MCTP2: variants seen among roughly 807,000 people sequenced by gnomAD.
The protein encoded by MCTP2 is multiple C2 and transmembrane domain containing 2.
In MCTP2, 132 loss-of-function variants were observed where a neutral mutation model predicts 111.6. The ratio of observed to expected loss-of-function variants is 1.18; its 90% CI spans 1.03 to 1.37. The LOEUF (loss-of-function observed/expected upper bound fraction) is 1.37. Among genes scored for constraint, MCTP2 ranks in the 40% most tolerant of loss-of-function variants. The pLI, the probability that MCTP2 is intolerant of heterozygous loss-of-function variation, is 0.00. For missense variants in MCTP2, 1,183 were observed against 1,067.9 expected (o/e 1.11, Z -1.50); for synonymous variants, 395 against 387.7 (o/e 1.02, Z -0.22).
intron 1 of MCTP2, among the ~76,000 whole-genome samples, chr15:94,255,971 A>G (rs1272843388): frequency 6.6e-6 from 1 of 152,192 alleles, no homozygotes; most frequent in Admixed American, 6.5e-5. Context: ...ATTTACTCAG[A>G]TGTCGCATAA....
chr15:94,457,174 T>C (rs1312188891), intron 19 of MCTP2, among the ~76,000 whole-genome samples: 1 of 152,176 alleles, frequency 6.6e-6, no homozygotes, highest in African/African-American at 2.4e-5. Flanking sequence ...ATAGGTGTAA[T>C]GACCCAGAGA....
intron 10 of MCTP2, among the ~76,000 whole-genome samples, chr15:94,363,208 AT>A (rs2079028462): frequency 6.6e-6 from 1 of 151,984 alleles, no homozygotes; most frequent in Non-Finnish European, 1.5e-5. Flanking sequence ...TCTAGAGCAC[AT>A]TGTATGCTGG....
chr15:94,343,663 C>G (rs773241128), intron 7 of MCTP2: 2 of 152,156 alleles, frequency 1.3e-5, no homozygotes, highest in Non-Finnish European at 2.9e-5. Context: ...AAATTAGGAG[C>G]TCTGTTCTCA....
chr15:94,461,536 C>T (rs2085207843), intron 20 of MCTP2, among the ~76,000 whole-genome samples: 1 of 152,116 alleles, frequency 6.6e-6, no homozygotes, highest in Non-Finnish European at 1.5e-5. Context: ...GAGAGTGAAG[C>T]ATATCATGTG....
At chr15:94,319,900 A>G (rs939892401) in intron 4 of MCTP2, among the ~76,000 whole-genome samples, 3 of 152,200 alleles carry the variant, frequency 2.0e-5, no homozygotes, top group African/African-American at 7.2e-5. Flanking sequence ...GTGTTCTCCA[A>G]TTCTGTAGAT....
intron 19 of MCTP2, among the ~76,000 whole-genome samples, chr15:94,444,000 A>AAAAAAAC (rs2083964627): frequency 6.7e-6 from 1 of 149,844 alleles, no homozygotes; most frequent in South Asian, 2.1e-4. Flanking sequence ...AAAAAAAAAA[A>AAAAAAAC]AAAAAACAGA....
intron 21 of MCTP2, 180 bp from the exon 22 acceptor site, chr15:94,476,516 C>T (rs2074363263): frequency 4.2e-6 from 2 of 471,690 alleles, no homozygotes; most frequent in South Asian, 2.6e-5. Context: ...TAATTGTTTT[C>T]ACACTAATTT....
At chr15:94,391,736 A>G (rs1027711676) in intron 14 of MCTP2, among the ~76,000 whole-genome samples, 3 of 152,214 alleles carry the variant, frequency 2.0e-5, no homozygotes, top group South Asian at 2.1e-4. Flanking sequence ...TACCTTTAAC[A>G]TGCTGGAGAG....
intron 14 of MCTP2, among the ~76,000 whole-genome samples, chr15:94,394,791 A>G (rs548296740): frequency 6.6e-6 from 1 of 152,262 alleles, no homozygotes; most frequent in African/African-American, 2.4e-5. Flanking sequence ...AAGTTATATT[A>G]ACATTGTGTT....
intron 4 of MCTP2, among the ~76,000 whole-genome samples, chr15:94,336,695 G>A (rs201526492): frequency 1.5e-4 from 19 of 125,336 alleles, no homozygotes; most frequent in East Asian, 1.1e-3. Context: ...ATATATATAT[G>A]TATGTATGTG....
chr15:94,476,973 T>C (rs531710344), intron 22 of MCTP2, among the ~76,000 whole-genome samples, 180 bp downstream of exon 22: 6 of 152,206 alleles, frequency 3.9e-5, no homozygotes, highest in Non-Finnish European at 7.4e-5. Context: ...CATGAGGTGA[T>C]TGGGGGAAAT....
At chr15:94,430,368 AC>A (rs1348175674) in intron 17 of MCTP2, among the ~76,000 whole-genome samples, 8 of 148,330 alleles carry the variant, frequency 5.4e-5, no homozygotes, top group Non-Finnish European at 1.2e-4. Flanking sequence ...TTAAAAAAAA[AC>A]AAACAAAAAA....
Position 94,298,652 on chromosome 15 carries a change from G to T in MCTP2, c.387G>T (p.Glu129Asp). Residue 129 changes from glutamate to aspartate, a missense_variant, in exon 2 of 23, where the codon GAG (glutamate) becomes GAT (aspartate). Physicochemically the swap from Glu to Asp is conservative, Grantham distance 45. Transcript: ENST00000357742. ...DSEEAYASPA[E>D]RRRVSSNGIF... The stretch of plus-strand genomic sequence containing the variant: ...AGGAGGCCTATGCCTCTCCTGCTGA[G>T]CGGAGACGGGTGTCCAGCAACGGCA... 6.2e-7 allele frequency: 1 copy of T among 1,613,920 alleles called. No individual in the cohort carries two copies. Among genetic ancestry groups the T allele is most frequent in the Non-Finnish European group, 8.5e-7 (1 of 1,179,954 alleles).
chr15:94,460,914 T>G (rs2152529101), intron 20 of MCTP2, among the ~76,000 whole-genome samples: 1 of 152,326 alleles, frequency 6.6e-6, no homozygotes, highest in Middle Eastern at 3.4e-3. Flanking sequence ...GGAATTCCAT[T>G]GTAACTCAGT....
intron 8 of MCTP2, among the ~76,000 whole-genome samples, chr15:94,351,608 G>A (rs1021799974): frequency 1.1e-4 from 16 of 152,110 alleles, no homozygotes; most frequent in African/African-American, 3.9e-4. Flanking sequence ...CGAGAACACT[G>A]ATATGTTTAT....
chr15:94,420,935 T>C (rs2152493516), intron 17 of MCTP2, among the ~76,000 whole-genome samples: 1 of 152,222 alleles, frequency 6.6e-6, no homozygotes, highest in East Asian at 1.9e-4. Flanking sequence ...CAAGAGTCAA[T>C]TGATGTGATA....
intron 1 of MCTP2, among the ~76,000 whole-genome samples, chr15:94,245,136 ATATT>A (rs906035304): frequency 2.6e-4 from 39 of 148,880 alleles, no homozygotes; most frequent in African/African-American, 7.8e-4. Flanking sequence ...ACATGTGTAT[ATATT>A]TATACACACA....
chr15:94,268,046 C>T (rs1287315694), intron 1 of MCTP2, among the ~76,000 whole-genome samples: 1 of 149,262 alleles, frequency 6.7e-6, no homozygotes, highest in Non-Finnish European at 1.5e-5. Context: ...TTTGCATTTT[C>T]AGTAGAGATG....
At chr15:94,235,293 A>G (rs1011631742) in intron 1 of MCTP2, among the ~76,000 whole-genome samples, 11 of 151,536 alleles carry the variant, frequency 7.3e-5, no homozygotes, top group Admixed American at 6.6e-5. Context: ...AGACTCATTC[A>G]TTCTCCTCCA....
Sources: gnomAD v4.1 joint callset for allele counts (sites outside exome capture counted in the v4.1 genomes callset) on GRCh38, gnomAD v4.1.1 for gene constraint, MANE v1.5 for transcripts, NCBI Gene and HGNC (gene_info 2026-07-23, HGNC 2026-07-21) for gene names.